Variants in SLIT2 observed in about 807,000 individuals in gnomAD.
SLIT2 encodes slit guidance ligand 2, also known as slit homolog 2 protein.
SLIT2 carries 41 observed loss-of-function variants against 185.7 expected under a neutral mutation model. The ratio of observed to expected loss-of-function variants is 0.22; its 90% CI spans 0.17 to 0.29. The LOEUF is 0.29. SLIT2 is among the 10% of genes least tolerant of loss of function. SLIT2 has a pLI of 1.00. For synonymous variants in SLIT2, 693 were observed against 680.2 expected, an observed-to-expected ratio of 1.02 and a Z score of -0.29; for missense variants, 1,571 against 1,909.0, an observed-to-expected ratio of 0.82 and a Z score of 3.30.
At chr4:20,436,942 A>G (rs981494940) in intron 4 of SLIT2, among the ~76,000 whole-genome samples, 1 of 152,230 alleles carries the variant, frequency 6.6e-6, no homozygotes, top group Non-Finnish European at 1.5e-5. Flanking sequence ...GAGGGAATGG[A>G]AAATGCAAAC....
intron 4 of SLIT2, among the ~76,000 whole-genome samples, chr4:20,278,420 A>C (rs1304480300): frequency 6.6e-6 from 1 of 152,128 alleles, no homozygotes; most frequent in Non-Finnish European, 1.5e-5. Flanking sequence ...ACTTTTTATG[A>C]TGTTATATGC....
intron 5 of SLIT2, among the ~76,000 whole-genome samples, chr4:20,480,448 A>G (rs891133410): frequency 6.6e-6 from 1 of 152,164 alleles, no homozygotes; most frequent in Non-Finnish European, 1.5e-5. Flanking sequence ...ATGAAATTGC[A>G]TTCCTATGGC....
chr4:20,497,988 A>G (rs1254387839), intron 9 of SLIT2, among the ~76,000 whole-genome samples: 1 of 152,154 alleles, frequency 6.6e-6, no homozygotes, highest in Non-Finnish European at 1.5e-5. Context: ...CCTGGCCAAA[A>G]TGGTGAAACC....
chr4:20,526,046 G>T (rs955308725), intron 15 of SLIT2, among the ~76,000 whole-genome samples: 2 of 151,968 alleles, frequency 1.3e-5, no homozygotes, highest in Non-Finnish European at 2.9e-5. Context: ...GTTAAGTATC[G>T]ATTGGCCACA....
At chr4:20,269,243 G>T (rs1713351277) in intron 4 of SLIT2, among the ~76,000 whole-genome samples, 1 of 151,804 alleles carries the variant, frequency 6.6e-6, no homozygotes, top group East Asian at 1.9e-4. Context: ...TTCTTATAAA[G>T]TTGAGATTTT....
Position 20,620,146 on chromosome 4 carries a change from G to A in SLIT2, c.*1137G>A, listed in dbSNP as rs1224141828. The A allele has an allele frequency of 2.5e-5, 6 of 240,542 alleles. No individual in the cohort carries two copies. The highest frequency in any genetic ancestry group is 2.5e-5 in the Non-Finnish European group (3 of 121,504). The allele number at this position is 240,542 out of a possible 1,614,324, so 14.9% of individuals were successfully genotyped here. On this transcript the variant is annotated 3_prime_UTR_variant, in exon 37 of 37. Coordinates refer to ENST00000504154, the MANE Select transcript of SLIT2 (RefSeq NM_004787.4). Reference sequence around the variant, plus strand: ...CTCTGCAACATGTCCTCACAGAAACGAAATGGTGTGTAGCAATCAACACTA... The same window carrying A: ...CTCTGCAACATGTCCTCACAGAAACAAAATGGTGTGTAGCAATCAACACTA...
chr4:20,550,546 C>T (rs990077418), intron 24 of SLIT2, among the ~76,000 whole-genome samples: 18 of 151,870 alleles, frequency 1.2e-4, no homozygotes, highest in African/African-American at 4.1e-4. Flanking sequence ...GAAAGCCTTC[C>T]TCACTCCACA....
intron 4 of SLIT2, among the ~76,000 whole-genome samples, chr4:20,400,212 A>T (rs948594129): frequency 2.6e-5 from 4 of 151,808 alleles, no homozygotes; most frequent in Admixed American, 6.6e-5. Context: ...TATGATGGTT[A>T]TTCTGACTGA....
intron 4 of SLIT2, among the ~76,000 whole-genome samples, chr4:20,331,079 G>A (rs1380007054): frequency 6.6e-6 from 1 of 152,118 alleles, no homozygotes; most frequent in South Asian, 2.1e-4. Flanking sequence ...TGACTGTGTT[G>A]TAAAGTGATT....
chr4:20,485,405 T>C (rs1410339721), intron 6 of SLIT2, among the ~76,000 whole-genome samples: 1 of 152,084 alleles, frequency 6.6e-6, no homozygotes, highest in Non-Finnish European at 1.5e-5. Context: ...GAAGTAGTAA[T>C]AATCAATAAT....
At chr4:20,349,357 G>A (rs147062502) in intron 4 of SLIT2, among the ~76,000 whole-genome samples, 128 of 152,266 alleles carry the variant, frequency 8.4e-4, no homozygotes, top group African/African-American at 2.9e-3. Flanking sequence ...TAACAAGGAT[G>A]TGCACAGCTA....
At chr4:20,531,855 GT>G in intron 16 of SLIT2, 128 bp from the exon 17 acceptor site, 1 of 541,400 alleles carries the variant, frequency 1.8e-6, no homozygotes, top group Admixed American at 3.9e-5. Context: ...CAAATCTTCT[GT>G]GATTTATGTA....
chr4:20,298,218 A>C (rs905574089), intron 4 of SLIT2, among the ~76,000 whole-genome samples: 20 of 151,562 alleles, frequency 1.3e-4, no homozygotes, highest in Admixed American at 3.9e-4. Context: ...CCTCCTGAGT[A>C]GCTGGGATTA....
intron 25 of SLIT2, among the ~76,000 whole-genome samples, chr4:20,551,318 G>A (rs1473287401): frequency 6.6e-6 from 1 of 152,110 alleles, no homozygotes; most frequent in African/African-American, 2.4e-5. Flanking sequence ...TACTTATTCA[G>A]CATCAACTGT....
intron 22 of SLIT2, among the ~76,000 whole-genome samples, chr4:20,547,065 T>C (rs1222806549): frequency 1.3e-5 from 2 of 152,108 alleles, no homozygotes; most frequent in African/African-American, 4.8e-5. Context: ...ACTAGGTACA[T>C]TGAAGCTAGT....
intron 4 of SLIT2, among the ~76,000 whole-genome samples, chr4:20,349,803 C>A (rs888357944): frequency 4.6e-5 from 7 of 152,164 alleles, no homozygotes; most frequent in African/African-American, 1.7e-4. Context: ...GGTGAGGCAT[C>A]TCAGCACAAA....
intron 4 of SLIT2, among the ~76,000 whole-genome samples, chr4:20,282,596 T>G (rs1440629910): frequency 6.6e-6 from 1 of 152,228 alleles, no homozygotes; most frequent in Admixed American, 6.5e-5. Flanking sequence ...AAGTGTTCTG[T>G]GGTCAAATGT....
chr4:20,589,637 G>GT lies in SLIT2; in HGVS notation c.3089-5dup, dbSNP rs1727342108. On this transcript the variant is annotated splice_polypyrimidine_tract_variant and splice_region_variant and intron_variant, in intron 29 of 36. Transcript: ENST00000504154. ...TCTATGAGCTAACACTGTTTGCCCT[G>GT]TTGCAGGTGAGTTGTGTGAGGAGAA... 6.2e-7 allele frequency: 1 copy of GT among 1,612,124 alleles called. No individual in the cohort carries two copies. The highest frequency in any genetic ancestry group is 1.7e-5 in the Admixed American group (1 of 59,968).
Position 20,540,712 on chromosome 4 carries a change from AGTGAAGAAATAATT to A in SLIT2, c.1977-740_1977-727del, listed in dbSNP as rs879381410. 3.4e-3 allele frequency among the ~76,000 whole-genome samples: 525 copies of A among 152,346 alleles called. 10 individuals are homozygous for A. In the South Asian group the frequency reaches 0.059, roughly 17 times the overall value. On this transcript the variant is annotated intron_variant, in intron 19 of 36. Transcript: ENST00000504154. Reference sequence around the variant, plus strand: ...GAGAAAAAAGTTCATAGCTCAAGTCAGTGAAGAAATAATTTGAGAGAAGCATCCATCCATCAGGA... The same window carrying A: ...GAGAAAAAAGTTCATAGCTCAAGTCATGAGAGAAGCATCCATCCATCAGGA...
Sources: allele counts gnomAD v4.1 joint callset (sites outside exome capture counted in the v4.1 genomes callset), GRCh38; gene constraint gnomAD v4.1.1; transcripts MANE v1.5; gene names NCBI Gene and HGNC (gene_info 2026-07-23, HGNC 2026-07-21).